Variants in TAS2R1 observed in about 807,000 individuals in gnomAD.
TAS2R1 encodes the protein taste 2 receptor member 1.
For missense variants in TAS2R1, 370 were observed against 353.4 expected (o/e 1.05, Z -0.38); for synonymous variants, 141 against 134.2 (o/e 1.05, Z -0.35).
the TAS2R1 span, among the ~76,000 whole-genome samples, chr5:9,818,606 A>G: frequency 9.8e-4 from 150 of 152,326 alleles, 2 homozygotes; most frequent in Middle Eastern, 0.017. Context: ...ACAGCAGGCA[A>G]ACCTGGGCTC....
the TAS2R1 span, among the ~76,000 whole-genome samples, chr5:9,736,445 TGA>T: frequency 1.3e-5 from 2 of 152,210 alleles, no homozygotes; most frequent in Admixed American, 6.5e-5. Flanking sequence ...CTGCTTAGGC[TGA>T]GAGTAGGTGG....
the TAS2R1 span, among the ~76,000 whole-genome samples, chr5:9,845,713 T>C: frequency 6.6e-5 from 10 of 152,368 alleles, no homozygotes; most frequent in South Asian, 2.1e-3. Flanking sequence ...AAATTGAGCC[T>C]AAATTAAGGA....
At chr5:9,880,621 T>C in the TAS2R1 span, among the ~76,000 whole-genome samples, 2 of 141,030 alleles carry the variant, frequency 1.4e-5, no homozygotes, top group Middle Eastern at 3.7e-3. Context: ...CCACCAGTTG[T>C]GACAACCAAA....
At chr5:9,682,697 G>C (rs771798667) in intron 1 of TAS2R1, among the ~76,000 whole-genome samples, 1 of 152,104 alleles carries the variant, frequency 6.6e-6, no homozygotes, top group Non-Finnish European at 1.5e-5. Flanking sequence ...AATACTGAAA[G>C]GTGCTTGATT....
chr5:9,891,669 A>G, the TAS2R1 span, among the ~76,000 whole-genome samples: 1 of 152,188 alleles, frequency 6.6e-6, no homozygotes, highest in Non-Finnish European at 1.5e-5. Flanking sequence ...CCCAGCCCAC[A>G]GTGTTTCCTC....
the TAS2R1 span, among the ~76,000 whole-genome samples, chr5:9,863,978 G>T: frequency 6.6e-6 from 1 of 152,194 alleles, no homozygotes; most frequent in Non-Finnish European, 1.5e-5. Flanking sequence ...GTGAAAGCTA[G>T]ATTAGAAAAT....
chr5:9,743,344 C>G, the TAS2R1 span, among the ~76,000 whole-genome samples: 904 of 151,156 alleles, frequency 6.0e-3, 9 homozygotes, highest in African/African-American at 0.021. Flanking sequence ...TATACTTTAA[C>G]TTTTAGGGTA....
At chr5:9,680,862 G>A (rs981625763) in intron 1 of TAS2R1, among the ~76,000 whole-genome samples, 3 of 151,864 alleles carry the variant, frequency 2.0e-5, no homozygotes, top group Non-Finnish European at 4.4e-5. Context: ...AAACCATCCT[G>A]GCCAACATGG....
the TAS2R1 span, among the ~76,000 whole-genome samples, chr5:9,794,420 A>T: frequency 1.3e-5 from 2 of 152,186 alleles, no homozygotes; most frequent in East Asian, 1.9e-4. Context: ...GCTTATGGGA[A>T]TTTAACTACT....
At chr5:9,723,036 G>C in the TAS2R1 span, among the ~76,000 whole-genome samples, 1 of 152,234 alleles carries the variant, frequency 6.6e-6, no homozygotes, top group African/African-American at 2.4e-5. Flanking sequence ...CAGATGGATA[G>C]AGTGAAAGCA....
At chr5:9,788,560 G>C in the TAS2R1 span, among the ~76,000 whole-genome samples, 3 of 152,154 alleles carry the variant, frequency 2.0e-5, no homozygotes, top group African/African-American at 7.2e-5. Flanking sequence ...GTATGTGAGA[G>C]TAGAAGCATT....
chr5:9,762,111 T>G, the TAS2R1 span, among the ~76,000 whole-genome samples: 1 of 152,194 alleles, frequency 6.6e-6, no homozygotes, highest in Non-Finnish European at 1.5e-5. Flanking sequence ...GGAAACCTTT[T>G]TTCCAGCCTC....
chr5:9,633,742 A>G (rs577898299), upstream of TAS2R1, among the ~76,000 whole-genome samples: 1 of 151,534 alleles, frequency 6.6e-6, no homozygotes, highest in South Asian at 2.1e-4. Flanking sequence ...CTATTTGTAT[A>G]TCTTGAGACT....
At chr5:9,669,288 C>T (rs993993299) in intron 1 of TAS2R1, among the ~76,000 whole-genome samples, 26 of 152,128 alleles carry the variant, frequency 1.7e-4, no homozygotes, top group Non-Finnish European at 2.6e-4. Context: ...GACAAAGAGA[C>T]TTTGATAACC....
chr5:9,695,401 T>G (rs1561381497), intron 1 of TAS2R1, among the ~76,000 whole-genome samples: 1 of 152,108 alleles, frequency 6.6e-6, no homozygotes, highest in East Asian at 1.9e-4. Context: ...GGAAGAAGTT[T>G]GCACCAACTC....
chr5:9,857,696 G>C, the TAS2R1 span, among the ~76,000 whole-genome samples: 2 of 152,132 alleles, frequency 1.3e-5, no homozygotes, highest in African/African-American at 2.4e-5. Flanking sequence ...CTTTGGGTAG[G>C]AGTTATGTCT....
At chr5:9,662,000 G>A (rs189670826) in intron 1 of TAS2R1, among the ~76,000 whole-genome samples, 9 of 152,230 alleles carry the variant, frequency 5.9e-5, no homozygotes, top group South Asian at 2.1e-4. Flanking sequence ...TCATGTAGCC[G>A]CACCATGGGG....
the TAS2R1 span, among the ~76,000 whole-genome samples, chr5:9,830,959 A>T: frequency 1.4e-4 from 22 of 152,330 alleles, no homozygotes; most frequent in African/African-American, 5.3e-4. Flanking sequence ...ATTCCTATGC[A>T]TATGAATTTT....
At chr5:9,809,757 T>C in the TAS2R1 span, among the ~76,000 whole-genome samples, 1 of 152,218 alleles carries the variant, frequency 6.6e-6, no homozygotes, top group African/African-American at 2.4e-5. Context: ...TTCTCTGTTC[T>C]TTCCACCTCT....
Sources: gnomAD v4.1 joint callset for allele counts (sites outside exome capture counted in the v4.1 genomes callset) on GRCh38, gnomAD v4.1.1 for gene constraint, MANE v1.5 for transcripts, NCBI Gene and HGNC (gene_info 2026-07-23, HGNC 2026-07-21) for gene names.